Variants in ITFG1 observed in about 807,000 individuals in gnomAD.
ITFG1 encodes integrin alpha FG-GAP repeat containing 1.
In ITFG1, 34 loss-of-function variants were observed where a neutral mutation model predicts 81.8. That is an observed-to-expected ratio of 0.42 (90% CI 0.32 to 0.55). The LOEUF is 0.55. ITFG1 is among the 20% of genes least tolerant of loss of function. The probability of loss-of-function intolerance (pLI) is 0.17; values close to 1 mark genes in which losing one functional copy is unlikely to be tolerated. For synonymous variants in ITFG1, 285 were observed against 270.6 expected (o/e 1.05, Z -0.52); for missense variants, 672 against 755.4 (o/e 0.89, Z 1.29).
At chr16:47,184,551 T>G (rs1965183311) in intron 14 of ITFG1, among the ~76,000 whole-genome samples, 1 of 151,904 alleles carries the variant, frequency 6.6e-6, no homozygotes, top group South Asian at 2.1e-4. Context: ...GAAGGAGAAA[T>G]AAAATACTTT....
intron 6 of ITFG1, among the ~76,000 whole-genome samples, chr16:47,376,438 A>G (rs1968325818): frequency 6.6e-6 from 1 of 152,230 alleles, no homozygotes; most frequent in Non-Finnish European, 1.5e-5. Context: ...TTGTCTTCAT[A>G]AATTCCAGCT....
chr16:47,337,058 T>C (rs1433134303), intron 8 of ITFG1, among the ~76,000 whole-genome samples: 1 of 139,162 alleles, frequency 7.2e-6, no homozygotes, highest in African/African-American at 2.7e-5. Context: ...GGCAGGAGAA[T>C]CACAGGGAGG....
At chr16:47,164,787 T>TA (rs1330253452) in intron 14 of ITFG1, among the ~76,000 whole-genome samples, 1 of 152,242 alleles carries the variant, frequency 6.6e-6, no homozygotes, top group East Asian at 1.9e-4. Context: ...TTGATAGTAA[T>TA]AGGGATGGAG....
At chr16:47,347,878 C>A (rs1374062483) in intron 8 of ITFG1, among the ~76,000 whole-genome samples, 1 of 152,186 alleles carries the variant, frequency 6.6e-6, no homozygotes, top group Non-Finnish European at 1.5e-5. Flanking sequence ...GCAACATTTG[C>A]TGATCAGCAA....
In ITFG1 at chr16:47,267,571, G is replaced by A. The variant is rs184358127; in HGVS notation, c.1071-6876C>T. Among the ~76,000 whole-genome samples the A allele has an allele frequency of 8.1e-4, 123 of 152,158 alleles. 1 individual carries two copies. Among genetic ancestry groups the A allele is most frequent in the African/African-American group, 2.8e-3 (116 of 41,536 alleles). On this transcript the variant is annotated intron_variant, in intron 10 of 17. Transcript: ENST00000320640. ...TAATAACCAATTTCACCTGACTGAC[G>A]TTTATTGACCACAACCCAGCAACAC... is the stretch of plus-strand genomic sequence containing the variant.
At position 47,312,191 on chromosome 16, in the gene ITFG1, A is replaced by T. The variant is rs559262125; in HGVS notation, c.898-779T>A. ...AATAACTAGAAATTTGAAGAGCGGA[A>T]ATCATGCCATTAAAGTTATAGTTGT... On this transcript the variant is annotated intron_variant, in intron 9 of 17. Coordinates refer to ENST00000320640, the MANE Select transcript of ITFG1 (RefSeq NM_030790.5). The T allele has an allele frequency of 3.8e-4, 58 of 152,336 alleles. 1 individual carries two copies. The highest frequency in any genetic ancestry group is 1.2e-3 in the African/African-American group (48 of 41,588). The allele number at this position is 152,336 out of a possible 1,614,324, so 9.4% of individuals were successfully genotyped here.
Position 47,406,482 on chromosome 16 carries a change from T to C in ITFG1, c.655+22322A>G, listed in dbSNP as rs539772279. Among the ~76,000 whole-genome samples, 4 of 152,306 alleles carry C rather than the reference T, an allele frequency of 2.6e-5. No individual in the cohort carries two copies. In the East Asian group the frequency reaches 7.7e-4, roughly 29 times the overall value. Reference sequence around the variant, plus strand: ...CTTTAGCTGAAAAAGGCCTACCAATTAGGGACAGTTTGAGTACTTAAAAAT... The same window carrying C: ...CTTTAGCTGAAAAAGGCCTACCAATCAGGGACAGTTTGAGTACTTAAAAAT... On this transcript the variant is annotated intron_variant, in intron 6 of 17. Transcript: ENST00000320640.
At position 47,451,477 on chromosome 16, in the gene ITFG1, A is replaced by G. The variant is rs1969388551; in HGVS notation, c.486-7T>C. ...AATTAGATCACCATTGAAACTGAAAAAAAATTAAAACAATAAGCAGCTATT... is the reference window on the plus strand; with the variant it reads ...AATTAGATCACCATTGAAACTGAAAGAAAATTAAAACAATAAGCAGCTATT... On this transcript the variant is annotated splice_region_variant and splice_polypyrimidine_tract_variant and intron_variant, in intron 4 of 17. Transcript: ENST00000320640. The G allele has an allele frequency of 2.8e-6, 4 of 1,439,002 alleles. No homozygotes were observed. In the African/African-American group the frequency reaches 4.3e-5, roughly 15 times the overall value. 89.1% of individuals were successfully genotyped at this position (1,439,002 alleles called of 1,614,324 possible). A position where few individuals can be genotyped will look rare whatever the true frequency, so the allele number is the denominator to read the frequency against.
intron 8 of ITFG1, among the ~76,000 whole-genome samples, chr16:47,348,967 A>G (rs1028895798): frequency 6.6e-6 from 1 of 152,206 alleles, no homozygotes; most frequent in Non-Finnish European, 1.5e-5. Flanking sequence ...ACTAAGCTTC[A>G]CAAGTGAAGG....
At position 47,458,326 on chromosome 16, in the gene ITFG1, T is replaced by C. The variant is rs191528522; in HGVS notation, c.281+777A>G. On this transcript the variant is annotated intron_variant, in intron 2 of 17. Transcript: ENST00000320640. ...CTCTTCATAACATGCTGTTCTTACT[T>C]TTATCTCTTATAAATGCTCTGTCCC... Among the ~76,000 whole-genome samples, 167 of 152,292 alleles carry C rather than the reference T, an allele frequency of 1.1e-3. 1 individual carries two copies. Among genetic ancestry groups the C allele is most frequent in the Non-Finnish European group, 1.9e-3 (127 of 68,018 alleles).
At chr16:47,425,524 C>A (rs568366156) in intron 6 of ITFG1, among the ~76,000 whole-genome samples, 1 of 151,802 alleles carries the variant, frequency 6.6e-6, no homozygotes, top group Non-Finnish European at 1.5e-5. Flanking sequence ...CCGTCTTCTG[C>A]GTTGATCTCA....
At chr16:47,320,260 T>C (rs887277518) in intron 8 of ITFG1, among the ~76,000 whole-genome samples, 2 of 152,234 alleles carry the variant, frequency 1.3e-5, no homozygotes, top group African/African-American at 4.8e-5. Context: ...ACCTGCCAGT[T>C]TGTAGCAGCC....
At chr16:47,386,948 TAACAGAGAGA>T (rs1393323858) in intron 6 of ITFG1, among the ~76,000 whole-genome samples, 1 of 152,190 alleles carries the variant, frequency 6.6e-6, no homozygotes, top group Non-Finnish European at 1.5e-5. Context: ...GACCAGGGCT[TAACAGAGAGA>T]ACTAGGGAAT....
intron 5 of ITFG1, among the ~76,000 whole-genome samples, chr16:47,438,345 T>A (rs1262164262): frequency 1.3e-5 from 2 of 152,212 alleles, no homozygotes; most frequent in African/African-American, 2.4e-5. Context: ...GTAGTGGTTC[T>A]CCAGGCATGC....
At position 47,184,145 on chromosome 16, in the gene ITFG1, C is replaced by T. The variant is rs555597462; in HGVS notation, c.1454-21481G>A. 3.3e-5 allele frequency among the ~76,000 whole-genome samples: 5 copies of T among 152,302 alleles called. No homozygotes were observed. The South Asian group carries it at 6.2e-4, about 19-fold the overall frequency. The stretch of plus-strand genomic sequence containing the variant: ...GGAATATGTGAAAAGACCAAATCTA[C>T]GTGTGACTGGTGTACCTGAAAGTGA... On this transcript the variant is annotated intron_variant, in intron 14 of 17. Coordinates refer to ENST00000320640, the MANE Select transcript of ITFG1 (RefSeq NM_030790.5).
At chr16:47,319,853 A>G (rs959043154) in intron 8 of ITFG1, among the ~76,000 whole-genome samples, 3 of 152,204 alleles carry the variant, frequency 2.0e-5, no homozygotes, top group Non-Finnish European at 4.4e-5. Context: ...GTATTAGTGT[A>G]AAAACAATTT....
intron 6 of ITFG1, among the ~76,000 whole-genome samples, chr16:47,427,426 G>A (rs978446571): frequency 6.6e-6 from 1 of 152,172 alleles, no homozygotes; most frequent in African/African-American, 2.4e-5. Context: ...GGAGTCTGAG[G>A]TGGGTGAATT....
chr16:47,232,917 A>C (rs1464136467), intron 13 of ITFG1, among the ~76,000 whole-genome samples: 1 of 152,134 alleles, frequency 6.6e-6, no homozygotes, highest in Non-Finnish European at 1.5e-5. Flanking sequence ...CTGGGGTTAC[A>C]AGCATAAACC....
chr16:47,287,053 T>C (rs1245301957), intron 10 of ITFG1, among the ~76,000 whole-genome samples: 1 of 152,182 alleles, frequency 6.6e-6, no homozygotes, highest in Admixed American at 6.5e-5. Flanking sequence ...CTACATCAAT[T>C]GCTAGCTGCA....
Sources: gnomAD v4.1 joint callset for allele counts (sites outside exome capture counted in the v4.1 genomes callset) on GRCh38, gnomAD v4.1.1 for gene constraint, MANE v1.5 for transcripts, NCBI Gene and HGNC (gene_info 2026-07-23, HGNC 2026-07-21) for gene names.